The following CNBD1 variants were observed in gnomAD, a reference collection of about 807,000 sequenced individuals.
CNBD1 encodes the protein cyclic nucleotide-binding domain-containing protein 1.
In CNBD1, 71 loss-of-function variants were observed where a neutral mutation model predicts 54.4. That is an observed-to-expected ratio of 1.30 (90% CI 1.08 to 1.59). The LOEUF is 1.59. Among genes scored for constraint, CNBD1 ranks in the 40% most tolerant of loss-of-function variants. The pLI, the probability that CNBD1 is intolerant of heterozygous loss-of-function variation, is 0.00. For synonymous variants in CNBD1, 182 were observed against 170.7 expected (o/e 1.07, Z -0.51); for missense variants, 659 against 518.0 (o/e 1.27, Z -2.64).
intron 8 of CNBD1, among the ~76,000 whole-genome samples, chr8:87,288,567 T>A (rs1808735571): frequency 6.6e-6 from 1 of 152,076 alleles, no homozygotes; most frequent in Admixed American, 6.6e-5. Context: ...AATCTGTCTC[T>A]TGATCTAAAA....
intron 4 of CNBD1, among the ~76,000 whole-genome samples, chr8:87,010,765 T>A (rs1291809759): frequency 2.0e-5 from 3 of 152,072 alleles, no homozygotes; most frequent in African/African-American, 7.2e-5. Context: ...AACAAAAAAC[T>A]CCCATTCTGT....
At chr8:87,027,548 G>T (rs1358095472) in intron 4 of CNBD1, among the ~76,000 whole-genome samples, 2 of 152,184 alleles carry the variant, frequency 1.3e-5, no homozygotes, top group African/African-American at 4.8e-5. Flanking sequence ...GGGATTATAG[G>T]CATGAGCCAC....
intron 6 of CNBD1, among the ~76,000 whole-genome samples, chr8:87,244,169 A>T (rs1039311223): frequency 2.6e-5 from 4 of 152,158 alleles, no homozygotes; most frequent in African/African-American, 4.8e-5. Flanking sequence ...CATTGGTCCC[A>T]TCCAGAAAGG....
chr8:87,171,103 C>T (rs879273988), intron 4 of CNBD1, among the ~76,000 whole-genome samples: 10 of 152,064 alleles, frequency 6.6e-5, no homozygotes, highest in Admixed American at 2.0e-4. Context: ...ATTAGTGCTT[C>T]TTTAATTGTT....
intron 10 of CNBD1, among the ~76,000 whole-genome samples, chr8:87,359,228 AATTCATTCCATAGTCTGT>A (rs1295702059): frequency 0.019 from 2,818 of 152,190 alleles, 87 homozygotes; most frequent in African/African-American, 0.061. Context: ...CAAACATTTT[AATTCATTCCATAGTCTGT>A]TTTATTCCAT....
At chr8:87,110,950 A>G (rs1271336580) in intron 4 of CNBD1, among the ~76,000 whole-genome samples, 1 of 152,220 alleles carries the variant, frequency 6.6e-6, no homozygotes. Flanking sequence ...TGTCATCTGC[A>G]TTACAGCTAC....
chr8:86,990,745 G>T (rs1365296522), intron 4 of CNBD1, among the ~76,000 whole-genome samples: 2 of 152,020 alleles, frequency 1.3e-5, no homozygotes, highest in Admixed American at 1.3e-4. Flanking sequence ...TATGTGTTTT[G>T]ATAGAAATCA....
At chr8:87,365,106 A>G (rs1346939735) in intron 10 of CNBD1, among the ~76,000 whole-genome samples, 1 of 151,740 alleles carries the variant, frequency 6.6e-6, no homozygotes, top group African/African-American at 2.4e-5. Flanking sequence ...TTACACTCGC[A>G]CCAACAGTGT....
At position 86,934,040 on chromosome 8, in the gene CNBD1, A is replaced by G. The variant is rs187526216; in HGVS notation, c.273-5556A>G. ...ATTTTTAAACAAAAATTTAGTATCT[A>G]TAGAAGTTTATTTTACAGGAGAATG... is the stretch of plus-strand genomic sequence containing the variant. On this transcript the variant is annotated intron_variant, in intron 3 of 10. Transcript: ENST00000518476. 3.7e-3 allele frequency among the ~76,000 whole-genome samples: 571 copies of G among 152,280 alleles called. 1 individual carries two copies. Among genetic ancestry groups the G allele is most frequent in the African/African-American group, 0.013 (535 of 41,568 alleles).
At chr8:87,241,782 A>C (rs1217025610) in intron 6 of CNBD1, among the ~76,000 whole-genome samples, 2 of 152,078 alleles carry the variant, frequency 1.3e-5, no homozygotes, top group Admixed American at 1.3e-4. Flanking sequence ...ACAAAATGAT[A>C]CTTATTTGTG....
At chr8:87,210,557 G>C (rs752306892) in intron 5 of CNBD1, among the ~76,000 whole-genome samples, 7 of 152,158 alleles carry the variant, frequency 4.6e-5, no homozygotes, top group Non-Finnish European at 1.0e-4. Flanking sequence ...CATAGCCTCA[G>C]GATGCTGCTC....
intron 4 of CNBD1, among the ~76,000 whole-genome samples, chr8:87,108,466 A>C (rs1811589008): frequency 6.6e-6 from 1 of 152,142 alleles, no homozygotes; most frequent in South Asian, 2.1e-4. Flanking sequence ...CCAATGTGGG[A>C]GATTATAAAT....
chr8:86,906,451 G>C (rs1488786663), intron 3 of CNBD1, among the ~76,000 whole-genome samples: 1 of 151,028 alleles, frequency 6.6e-6, no homozygotes, highest in Admixed American at 6.6e-5. Context: ...TTCCAAGACT[G>C]TATCTATCAT....
rs1446291236 is a variant in CNBD1, at chr8:87,284,691, G to A, written c.785G>A (p.Ser262Asn). The change falls in exon 7 of 11, where the codon AGT becomes AAT. Residue 262 changes from serine (S) to asparagine (N), a missense_variant. By Grantham distance (46) the Ser-to-Asn change is conservative (BLOSUM62 1). Transcript: ENST00000518476. ...PSYDSMLSKWSTFGTLEVMPQ... is the reference protein window; with the variant it reads ...PSYDSMLSKWNTFGTLEVMPQ... The stretch of plus-strand genomic sequence containing the variant: ...GTATTTTTACAGCTTAGCAAATGGA[G>A]TACCTTTGGGACTCTGGAAGTTATG... 4 of 1,601,746 alleles carry A rather than the reference G, an allele frequency of 2.5e-6. No homozygotes were observed. The highest frequency in any genetic ancestry group is 2.2e-5 in the East Asian group (1 of 44,566).
chr8:87,176,779 G>A (rs541717145), intron 4 of CNBD1, among the ~76,000 whole-genome samples: 31 of 151,880 alleles, frequency 2.0e-4, no homozygotes, highest in African/African-American at 6.5e-4. Flanking sequence ...GTGAGCCACC[G>A]TGCCTGGCTT....
At chr8:87,376,013 A>G (rs1287268086) in intron 10 of CNBD1, among the ~76,000 whole-genome samples, 1 of 151,942 alleles carries the variant, frequency 6.6e-6, no homozygotes, top group Non-Finnish European at 1.5e-5. Flanking sequence ...TGGCAAATTT[A>G]AAAATTATGC....
At chr8:87,307,783 G>C (rs1303528965) in intron 8 of CNBD1, among the ~76,000 whole-genome samples, 4 of 145,510 alleles carry the variant, frequency 2.7e-5, no homozygotes, top group Admixed American at 1.4e-4. Flanking sequence ...CAAGGATATT[G>C]CAAGAAAGCT....
chr8:87,028,052 A>C (rs898982260), intron 4 of CNBD1, among the ~76,000 whole-genome samples: 1 of 151,956 alleles, frequency 6.6e-6, no homozygotes, highest in African/African-American at 2.4e-5. Context: ...CACACACAAC[A>C]CACAACACAC....
intron 4 of CNBD1, among the ~76,000 whole-genome samples, chr8:87,118,391 C>T (rs1189352989): frequency 6.6e-6 from 1 of 150,410 alleles, no homozygotes; most frequent in African/African-American, 2.5e-5. Flanking sequence ...GGTGGAGGTG[C>T]ATGGTTCATG....
Sources: allele counts gnomAD v4.1 joint callset (sites outside exome capture counted in the v4.1 genomes callset), GRCh38; gene constraint gnomAD v4.1.1; transcripts MANE v1.5; gene names NCBI Gene and HGNC (gene_info 2026-07-23, HGNC 2026-07-21).